TTC6: variants seen among roughly 807,000 people sequenced by gnomAD.
TTC6 encodes tetratricopeptide repeat domain 6, also known as tetratricopeptide repeat protein 6.
In TTC6, 172 loss-of-function variants were observed where a neutral mutation model predicts 210.4. The observed-to-expected ratio is 0.82, with a 90% confidence interval of 0.72 to 0.93. The LOEUF (loss-of-function observed/expected upper bound fraction) is 0.93, where lower values mean the gene tolerates loss of function less well. TTC6 is among the 40% of genes least tolerant of loss of function. TTC6 has a pLI of 0.00. For missense variants in TTC6, 2,414 were observed against 2,318.1 expected, an observed-to-expected ratio of 1.04 and a Z score of -0.85; for synonymous variants, 804 against 819.6, an observed-to-expected ratio of 0.98 and a Z score of 0.32.
At chr14:37,600,561 T>G (rs1594990014) in intron 1 of TTC6, among the ~76,000 whole-genome samples, 2 of 152,292 alleles carry the variant, frequency 1.3e-5, no homozygotes, top group East Asian at 3.9e-4. Flanking sequence ...GCTTTGGCTA[T>G]TCATATGTGA....
chr14:37,785,759 A>G (rs116806201), intron 14 of TTC6, among the ~76,000 whole-genome samples: 435 of 152,146 alleles, frequency 2.9e-3, no homozygotes, highest in African/African-American at 0.01. Context: ...TTTTGGTTTT[A>G]TCTATCTTTG....
At chr14:37,671,124 G>A (rs967309297) in intron 1 of TTC6, among the ~76,000 whole-genome samples, 14 of 152,100 alleles carry the variant, frequency 9.2e-5, no homozygotes, top group Non-Finnish European at 1.5e-4. Context: ...GGCTGCTGTC[G>A]TTTGAAGACT....
At chr14:37,662,486 A>G (rs1249521038) in intron 1 of TTC6, among the ~76,000 whole-genome samples, 1 of 152,150 alleles carries the variant, frequency 6.6e-6, no homozygotes, top group Non-Finnish European at 1.5e-5. Context: ...CCAGCCTTGC[A>G]TCCTGGGACT....
intron 29 of TTC6, among the ~76,000 whole-genome samples, chr14:37,833,958 T>C (rs2096191971): frequency 6.6e-6 from 1 of 152,200 alleles, no homozygotes; most frequent in African/African-American, 2.4e-5. Context: ...TTGATGGGTA[T>C]AGTATTCTTG....
rs10585657 is a variant in TTC6, at chr14:37,709,692, TAAA to T, written c.1572-4942_1572-4940del. On this transcript the variant is annotated intron_variant, in intron 5 of 30. Coordinates refer to ENST00000553443, the Ensembl canonical transcript of TTC6. ...TTTTCCCCTTCCCAATCATGTTTTG[TAAA>T]AAAAAAAAAAAAAAAAAAAATTATA... Among the ~76,000 whole-genome samples the T allele has an allele frequency of 3.7e-3, 469 of 126,432 alleles. 5 individuals are homozygous for T. Among genetic ancestry groups the T allele is most frequent in the Middle Eastern group, 8.4e-3 (2 of 238 alleles). The allele number at this position is 126,432 out of a possible 152,430, so 82.9% of individuals were successfully genotyped here.
intron 14 of TTC6, among the ~76,000 whole-genome samples, chr14:37,781,744 AT>A (rs200798382): frequency 0.01 from 1,571 of 152,038 alleles, 13 homozygotes; most frequent in Middle Eastern, 0.062. Flanking sequence ...TTCTTCTAGG[AT>A]TTTTATGCTT....
At chr14:37,604,353 G>A (rs1182907190) in intron 1 of TTC6, among the ~76,000 whole-genome samples, 1 of 152,142 alleles carries the variant, frequency 6.6e-6, no homozygotes, top group East Asian at 1.9e-4. Context: ...GGACCTTCTG[G>A]GGTAAGGTGG....
At chr14:37,838,570 A>G (rs2096203034) in intron 29 of TTC6, among the ~76,000 whole-genome samples, 2 of 151,848 alleles carry the variant, frequency 1.3e-5, no homozygotes, top group South Asian at 4.2e-4. Context: ...CTGAGTTTTT[A>G]TCTCTCTTTG....
At chr14:37,657,727 A>T (rs2095727558) in intron 1 of TTC6, among the ~76,000 whole-genome samples, 1 of 152,184 alleles carries the variant, frequency 6.6e-6, no homozygotes, top group South Asian at 2.1e-4. Flanking sequence ...CTTAGGCCTA[A>T]ATTCTAAATG....
intron 15 of TTC6, among the ~76,000 whole-genome samples, chr14:37,790,223 C>T (rs757548857): frequency 1.2e-4 from 19 of 152,034 alleles, no homozygotes; most frequent in Non-Finnish European, 2.4e-4. Context: ...TTGTCCATCC[C>T]GGTTTGTGTG....
chr14:37,720,418 A>G (rs996045036), intron 6 of TTC6: 3 of 152,156 alleles, frequency 2.0e-5, no homozygotes, highest in African/African-American at 7.2e-5. Context: ...TTTGTACACA[A>G]AATTCATCAC....
At chr14:37,726,070 C>T (rs111414085) in intron 7 of TTC6, among the ~76,000 whole-genome samples, 1 of 151,948 alleles carries the variant, frequency 6.6e-6, no homozygotes, top group Non-Finnish European at 1.5e-5. Flanking sequence ...CTTCTTCCTC[C>T]TCCTCTTTTC....
chr14:37,780,035 A>G (rs1049914845), intron 14 of TTC6, among the ~76,000 whole-genome samples: 2 of 152,208 alleles, frequency 1.3e-5, no homozygotes, highest in African/African-American at 4.8e-5. Flanking sequence ...AACAAATGCA[A>G]AAGCGAGTCT....
chr14:37,660,476 G>A (rs1473660645), intron 1 of TTC6, among the ~76,000 whole-genome samples: 3 of 152,136 alleles, frequency 2.0e-5, no homozygotes, highest in African/African-American at 7.2e-5. Context: ...CTGAGAATAT[G>A]TGGTATATTT....
chr14:37,792,798 G>A (rs1047550166), intron 17 of TTC6, among the ~76,000 whole-genome samples: 2 of 151,456 alleles, frequency 1.3e-5, no homozygotes, highest in African/African-American at 4.9e-5. Flanking sequence ...GTGTGTGTGT[G>A]TGTGTGTGTG....
At chr14:37,737,973 A>G (rs2095906527) in intron 9 of TTC6, among the ~76,000 whole-genome samples, 1 of 151,926 alleles carries the variant, frequency 6.6e-6, no homozygotes, top group Non-Finnish European at 1.5e-5. Flanking sequence ...TGAAATTATT[A>G]TGTTTGAAAT....
chr14:37,734,492 C>A (rs1434736672), intron 7 of TTC6, among the ~76,000 whole-genome samples: 1 of 152,104 alleles, frequency 6.6e-6, no homozygotes, highest in African/African-American at 2.4e-5. Context: ...GATTTTGGCT[C>A]GTCTTTTCAT....
At chr14:37,771,580 T>G (rs1566943620) in intron 14 of TTC6, among the ~76,000 whole-genome samples, 1 of 152,228 alleles carries the variant, frequency 6.6e-6, no homozygotes, top group Admixed American at 6.5e-5. Context: ...ATACCCTTTC[T>G]TCCAGTTGAT....
At chr14:37,637,769 C>T (rs2095683803) in intron 1 of TTC6, among the ~76,000 whole-genome samples, 1 of 152,174 alleles carries the variant, frequency 6.6e-6, no homozygotes, top group Non-Finnish European at 1.5e-5. Context: ...ATTAAAACCA[C>T]AGTGACATGT....
Sources: gnomAD v4.1 joint callset for allele counts (sites outside exome capture counted in the v4.1 genomes callset) on GRCh38, gnomAD v4.1.1 for gene constraint, MANE v1.5 for transcripts, NCBI Gene and HGNC (gene_info 2026-07-23, HGNC 2026-07-21) for gene names.